CAMK2D: variants seen among roughly 807,000 people sequenced by gnomAD.
CAMK2D encodes calcium/calmodulin-dependent protein kinase type II subunit delta.
CAMK2D carries 37 observed loss-of-function variants against 84.0 expected under a neutral mutation model. That is an observed-to-expected ratio of 0.44 (90% confidence interval 0.34 to 0.58). CAMK2D has a LOEUF of 0.58. Ranked by LOEUF, CAMK2D falls within the 20% of genes least tolerant of loss-of-function variation. The pLI, the probability that CAMK2D is intolerant of heterozygous loss-of-function variation, is 0.02. For synonymous variants in CAMK2D, 202 were observed against 212.5 expected (o/e 0.95, Z 0.43); for missense variants, 448 against 652.5 (o/e 0.69, Z 3.41).
intron 6 of CAMK2D, among the ~76,000 whole-genome samples, chr4:113,545,940 T>C (rs778680259): frequency 1.3e-5 from 2 of 152,206 alleles, no homozygotes; most frequent in South Asian, 2.1e-4. Context: ...CGTTAGCTCA[T>C]ACGTCAGAGA....
chr4:113,679,922 T>G (rs1190726480), intron 2 of CAMK2D, among the ~76,000 whole-genome samples: 2 of 152,192 alleles, frequency 1.3e-5, no homozygotes, highest in Non-Finnish European at 2.9e-5. Context: ...GACTGAACCT[T>G]TCTTCTGGGG....
chr4:113,543,853 G>A (rs2098548555), intron 6 of CAMK2D, among the ~76,000 whole-genome samples: 1 of 151,678 alleles, frequency 6.6e-6, no homozygotes, highest in Non-Finnish European at 1.5e-5. Context: ...ATGCAGTGGG[G>A]CGATCTCTGC....
intron 4 of CAMK2D, among the ~76,000 whole-genome samples, chr4:113,571,890 A>T (rs1221854121): frequency 6.6e-6 from 1 of 152,196 alleles, no homozygotes; most frequent in Non-Finnish European, 1.5e-5. Flanking sequence ...TACAGACTGC[A>T]CTAGAGAAGT....
intron 5 of CAMK2D, among the ~76,000 whole-genome samples, chr4:113,549,226 T>C (rs1420846660): frequency 6.6e-6 from 1 of 152,140 alleles, no homozygotes; most frequent in Non-Finnish European, 1.5e-5. Context: ...GAGGGACACA[T>C]TTACCATTTC....
At chr4:113,699,156 A>G (rs1056771926) in intron 2 of CAMK2D, among the ~76,000 whole-genome samples, 1 of 152,146 alleles carries the variant, frequency 6.6e-6, no homozygotes, top group Admixed American at 6.6e-5. Context: ...AGCCAACCTG[A>G]ACAGAGTACA....
At chr4:113,459,689 C>A (rs1057310316) in intron 18 of CAMK2D, among the ~76,000 whole-genome samples, 2 of 142,386 alleles carry the variant, frequency 1.4e-5, no homozygotes, top group African/African-American at 5.3e-5. Context: ...CCCAGGCTTG[C>A]GATCTTGGCT....
intron 9 of CAMK2D, among the ~76,000 whole-genome samples, chr4:113,516,633 AT>A (rs11314307): frequency 0.6 from 91,219 of 152,038 alleles, 29,334 homozygotes; most frequent in African/African-American, 0.84. Flanking sequence ...TAAATAGAAA[AT>A]TTTTATCAGA....
chr4:113,733,426 C>T (rs2099573721), intron 2 of CAMK2D, among the ~76,000 whole-genome samples: 1 of 152,192 alleles, frequency 6.6e-6, no homozygotes, highest in South Asian at 2.1e-4. Context: ...ATTTAAAAAA[C>T]TGTACTCAGC....
At position 113,474,608 on chromosome 4, in the gene CAMK2D, G is replaced by A. The variant is rs564336710; in HGVS notation, c.1136-9004C>T. ...TAATCAATTTTATATTAGTCAAAAC[G>A]GAGCATATATCTTTCAGGTCAAGAG... On this transcript the variant is annotated intron_variant, in intron 16 of 20. Coordinates refer to ENST00000511664, the MANE Select transcript of CAMK2D (RefSeq NM_001321571.2). Among the ~76,000 whole-genome samples, 52 of 147,318 alleles carry A rather than the reference G, an allele frequency of 3.5e-4. 1 individual carries two copies. The highest frequency in any genetic ancestry group is 2.8e-3 in the South Asian group (13 of 4,602).
At chr4:113,513,760 T>G in intron 11 of CAMK2D, 70 bp downstream of exon 11, 1 of 716,464 alleles carries the variant, frequency 1.4e-6, no homozygotes, top group East Asian at 2.6e-5. Context: ...TAGAAGTTAT[T>G]TTCCTCACAC....
chr4:113,699,911 T>C (rs1334422920), intron 2 of CAMK2D, among the ~76,000 whole-genome samples: 1 of 152,222 alleles, frequency 6.6e-6, no homozygotes, highest in Non-Finnish European at 1.5e-5. Context: ...TTAGGAATTA[T>C]GAGTCATGTT....
intron 4 of CAMK2D, among the ~76,000 whole-genome samples, chr4:113,580,797 C>T (rs1238853553): frequency 6.6e-6 from 1 of 151,590 alleles, no homozygotes; most frequent in Non-Finnish European, 1.5e-5. Context: ...ATGAATACCA[C>T]ATATTTAAGC....
intron 3 of CAMK2D, among the ~76,000 whole-genome samples, chr4:113,633,943 A>T (rs1304506257): frequency 6.6e-6 from 1 of 152,358 alleles, no homozygotes; most frequent in African/African-American, 2.4e-5. Flanking sequence ...ACAACCACAC[A>T]ATAGTTGGAA....
chr4:113,591,886 A>G (rs1217033616), intron 4 of CAMK2D, among the ~76,000 whole-genome samples: 1 of 151,978 alleles, frequency 6.6e-6, no homozygotes. Context: ...ATTAGACACC[A>G]TTTCCTTCTG....
chr4:113,552,805 C>A (rs1419295159), intron 4 of CAMK2D, among the ~76,000 whole-genome samples: 1 of 152,042 alleles, frequency 6.6e-6, no homozygotes, highest in African/African-American at 2.4e-5. Flanking sequence ...TGAAAGAGTA[C>A]CCACATTTAA....
At chr4:113,708,060 G>C (rs1327882603) in intron 2 of CAMK2D, among the ~76,000 whole-genome samples, 1 of 152,070 alleles carries the variant, frequency 6.6e-6, no homozygotes, top group Non-Finnish European at 1.5e-5. Flanking sequence ...TGAAAAGTGG[G>C]AAAGTATAAG....
intron 17 of CAMK2D, among the ~76,000 whole-genome samples, chr4:113,464,858 T>C (rs2097437082): frequency 1.3e-5 from 2 of 152,192 alleles, no homozygotes; most frequent in East Asian, 1.9e-4. Context: ...GAAATGCACA[T>C]TTTATGTACT....
At chr4:113,491,254 A>T (rs1378775692) in intron 16 of CAMK2D, among the ~76,000 whole-genome samples, 1 of 121,450 alleles carries the variant, frequency 8.2e-6, no homozygotes, top group Non-Finnish European at 1.7e-5. Flanking sequence ...GTTTTTGCCC[A>T]TTCAGTATGA....
At chr4:113,671,132 C>T (rs1450530734) in intron 2 of CAMK2D, among the ~76,000 whole-genome samples, 1 of 151,902 alleles carries the variant, frequency 6.6e-6, no homozygotes, top group Non-Finnish European at 1.5e-5. Flanking sequence ...CGAATTTATA[C>T]AAAAAGTGAA....
Sources: gnomAD v4.1 joint callset for allele counts (sites outside exome capture counted in the v4.1 genomes callset) on GRCh38, gnomAD v4.1.1 for gene constraint, MANE v1.5 for transcripts, NCBI Gene and HGNC (gene_info 2026-07-23, HGNC 2026-07-21) for gene names.